UBE3D: variants seen among roughly 807,000 people sequenced by gnomAD.
The protein encoded by UBE3D is ubiquitin protein ligase E3D, also known as E3 ubiquitin-protein ligase E3D.
Under a neutral mutation model 49.6 loss-of-function variants are expected in UBE3D, and 48 were observed. The observed-to-expected ratio is 0.97, with a 90% confidence interval of 0.77 to 1.23. UBE3D has a LOEUF of 1.23. Ranked by LOEUF, UBE3D falls within the 50% of genes most tolerant of loss-of-function variation. UBE3D has a pLI of 0.00. For synonymous variants in UBE3D, 189 were observed against 174.2 expected (o/e 1.08, Z -0.67); for missense variants, 452 against 468.4 (o/e 0.96, Z 0.32).
intron 8 of UBE3D, among the ~76,000 whole-genome samples, chr6:82,968,842 A>G (rs1777135989): frequency 6.6e-6 from 1 of 152,162 alleles, no homozygotes; most frequent in South Asian, 2.1e-4. Context: ...CTTTCTGTGA[A>G]TTACATTTTA....
rs137858385 is a variant in UBE3D, at chr6:83,054,713, G to A, written c.275-475C>T. ...GTCACCCAGGCTGGAGTGCAGTGGC[G>A]CAACCTGGGCTCACTGCAATCTCTG... On this transcript the variant is annotated intron_variant, in intron 2 of 9. Transcript: ENST00000369747. Among the ~76,000 whole-genome samples the A allele has an allele frequency of 2.8e-3, 430 of 151,762 alleles. 1 individual carries two copies. The highest frequency in any genetic ancestry group is 9.0e-3 in the African/African-American group (372 of 41,368).
chr6:82,911,929 T>C (rs1344183606), intron 9 of UBE3D, among the ~76,000 whole-genome samples: 2 of 152,206 alleles, frequency 1.3e-5, no homozygotes, highest in Admixed American at 1.3e-4. Flanking sequence ...CTGTACCTCC[T>C]TAGAATCACA....
At chr6:82,929,780 G>A (rs1220560193) in intron 9 of UBE3D, among the ~76,000 whole-genome samples, 1 of 151,960 alleles carries the variant, frequency 6.6e-6, no homozygotes, top group Non-Finnish European at 1.5e-5. Context: ...TGAAAGGAAG[G>A]TGCATAGAAT....
chr6:83,014,001 C>T (rs562972231), intron 8 of UBE3D, among the ~76,000 whole-genome samples: 2 of 152,304 alleles, frequency 1.3e-5, no homozygotes, highest in Admixed American at 6.5e-5. Flanking sequence ...CAGCTGAAGG[C>T]AAATTGCTTC....
rs1448021558 is a variant in UBE3D at position 83,057,902 on chromosome 6, G to A, written c.198C>T (p.Ser66=). 6.2e-7 allele frequency: 1 copy of A among 1,614,162 alleles called. No homozygotes were observed. Among genetic ancestry groups the A allele is most frequent in the Non-Finnish European group, 8.5e-7 (1 of 1,180,030 alleles). ...QLPAEVRLVP[S]SCRGLQFVVG... is the part of the protein sequence containing the mutation. ...CAACAAACTGTAGCCCACGGCAAGA[G>A]GAAGGTACAAGCCTGACCTCTGCTG... The change falls in exon 2 of 10, where the codon TCC becomes TCT. Residue 66 remains serine, a synonymous_variant. Coordinates refer to ENST00000369747, the MANE Select transcript of UBE3D (RefSeq NM_198920.3).
chr6:83,030,967 T>C (rs1582690823), intron 5 of UBE3D, among the ~76,000 whole-genome samples: 1 of 152,240 alleles, frequency 6.6e-6, no homozygotes, highest in Admixed American at 6.5e-5. Context: ...CTGTGGAACT[T>C]TGAACTTGAG....
At chr6:82,903,429 G>A (rs1330567310) in intron 9 of UBE3D, among the ~76,000 whole-genome samples, 3 of 152,144 alleles carry the variant, frequency 2.0e-5, no homozygotes, top group Admixed American at 6.6e-5. Context: ...TGGCAGAGGA[G>A]GAGAGCCAAC....
At chr6:82,921,276 A>G (rs962455950) in intron 9 of UBE3D, among the ~76,000 whole-genome samples, 11 of 152,298 alleles carry the variant, frequency 7.2e-5, no homozygotes, top group African/African-American at 2.4e-4. Flanking sequence ...TCTTTTAAAC[A>G]CATAGCTGAG....
intron 8 of UBE3D, among the ~76,000 whole-genome samples, chr6:82,967,637 A>G (rs1039345051): frequency 6.6e-6 from 1 of 152,006 alleles, no homozygotes; most frequent in Non-Finnish European, 1.5e-5. Flanking sequence ...TCAACAGTTC[A>G]TATTTTTTTT....
At chr6:82,922,733 A>C (rs1032882223) in intron 9 of UBE3D, among the ~76,000 whole-genome samples, 2 of 152,208 alleles carry the variant, frequency 1.3e-5, no homozygotes, top group African/African-American at 4.8e-5. Flanking sequence ...AATTAAACTA[A>C]AGAGCTTCTG....
intron 3 of UBE3D, among the ~76,000 whole-genome samples, chr6:83,050,064 G>C (rs2127833318): frequency 6.6e-6 from 1 of 152,030 alleles, no homozygotes; most frequent in Admixed American, 6.5e-5. Context: ...GCATTATTTG[G>C]TTTCAAATAA....
chr6:83,018,427 A>G (rs1317920116), intron 8 of UBE3D: 1 of 152,284 alleles, frequency 6.6e-6, no homozygotes, highest in Non-Finnish European at 1.5e-5. Flanking sequence ...TTCATTTTTC[A>G]CTAGAGTGAT....
chr6:83,005,446 G>C (rs1045898422), intron 8 of UBE3D, among the ~76,000 whole-genome samples: 3 of 151,980 alleles, frequency 2.0e-5, no homozygotes, highest in Non-Finnish European at 2.9e-5. Flanking sequence ...ATTAAAAATA[G>C]AACTATCATA....
At chr6:82,966,510 C>T (rs1776935729) in intron 8 of UBE3D, among the ~76,000 whole-genome samples, 1 of 120,360 alleles carries the variant, frequency 8.3e-6, no homozygotes, top group South Asian at 2.7e-4. Context: ...ATTAGCCGGG[C>T]GTAGTGGCGG....
At chr6:82,991,271 C>T (rs1003597462) in intron 8 of UBE3D, among the ~76,000 whole-genome samples, 1 of 152,176 alleles carries the variant, frequency 6.6e-6, no homozygotes, top group African/African-American at 2.4e-5. Context: ...AATTAAGCTC[C>T]ACCTCTTAAA....
intron 9 of UBE3D, among the ~76,000 whole-genome samples, chr6:82,942,282 T>C (rs901132944): frequency 1.3e-5 from 2 of 152,136 alleles, no homozygotes; most frequent in African/African-American, 4.8e-5. Flanking sequence ...CTTTGAGAGA[T>C]ATGTTCTGAA....
rs117416710 is a variant in UBE3D at position 83,052,453 on chromosome 6, C to G, written c.365+1695G>C. Among the ~76,000 whole-genome samples, 719 of 152,238 alleles carry G rather than the reference C, an allele frequency of 4.7e-3. 1 individual carries two copies. Among genetic ancestry groups the G allele is most frequent in the Non-Finnish European group, 6.9e-3 (472 of 68,022 alleles). On this transcript the variant is annotated intron_variant, in intron 3 of 9. Transcript: ENST00000369747. ...CCCAGGGTTGAGAGAAGGCTCATAA[C>G]AGTACCTGTCCCGTCAGCTGAATTC... is the stretch of plus-strand genomic sequence containing the variant.
chr6:82,897,072 A>G (rs1435403011), intron 9 of UBE3D, among the ~76,000 whole-genome samples: 1 of 151,978 alleles, frequency 6.6e-6, no homozygotes, highest in East Asian at 1.9e-4. Flanking sequence ...ACATATCATC[A>G]TCACTGGCTA....
chr6:82,953,563 T>C (rs910346590), intron 9 of UBE3D, among the ~76,000 whole-genome samples: 6 of 152,168 alleles, frequency 3.9e-5, no homozygotes, highest in African/African-American at 1.2e-4. Flanking sequence ...GTCTTTTAGA[T>C]TTCTAGAATG....
Sources: allele counts gnomAD v4.1 joint callset (sites outside exome capture counted in the v4.1 genomes callset), GRCh38; gene constraint gnomAD v4.1.1; transcripts MANE v1.5; gene names NCBI Gene and HGNC (gene_info 2026-07-23, HGNC 2026-07-21).